CAB39: variants seen among roughly 807,000 people sequenced by gnomAD.
The protein encoded by CAB39 is calcium-binding protein 39.
Under a neutral mutation model 40.0 loss-of-function variants are expected in CAB39, and 8 were observed. That is an observed-to-expected ratio of 0.20 (90% CI 0.12 to 0.36). The LOEUF (loss-of-function observed/expected upper bound fraction) is 0.36. Ranked by LOEUF, CAB39 falls within the 10% of genes least tolerant of loss-of-function variation. The pLI is 1.00. For missense variants in CAB39, 270 were observed against 401.1 expected (o/e 0.67, Z 2.79); for synonymous variants, 156 against 141.6 (o/e 1.10, Z -0.72).
chr2:230,753,582 G>A (rs750331783), intron 1 of CAB39, among the ~76,000 whole-genome samples: 1 of 151,708 alleles, frequency 6.6e-6, no homozygotes. Flanking sequence ...GTGAAACCCC[G>A]TCTCTACAAC....
rs146490647 is a variant in CAB39, at chr2:230,818,620, G to A, written c.942G>A (p.Thr314=). Residue 314 remains threonine, a synonymous_variant, in exon 9 of 9, where the codon ACG becomes ACA. Coordinates refer to ENST00000258418, the MANE Select transcript of CAB39 (RefSeq NM_016289.4). ...EFLSKFQNDR[T]EDEQFNDEKT... is the part of the protein sequence containing the mutation. ...TCAGCAAGTTTCAGAACGACAGGAC[G>A]GAGGATGAGCAGTTTAACGACGAGA... 8 of 1,613,988 alleles carry A rather than the reference G, an allele frequency of 5.0e-6. No homozygotes were observed. Among genetic ancestry groups the A allele is most frequent in the South Asian group, 1.1e-5 (1 of 91,088 alleles).
intron 5 of CAB39, among the ~76,000 whole-genome samples, chr2:230,801,061 G>A (rs1370051714): frequency 6.6e-6 from 1 of 152,124 alleles, no homozygotes; most frequent in Non-Finnish European, 1.5e-5. Context: ...CTGGAAGAGA[G>A]AGCACTGGGG....
chr2:230,777,217 CTTAA>C (rs1281085559), intron 2 of CAB39, among the ~76,000 whole-genome samples: 2 of 152,106 alleles, frequency 1.3e-5, no homozygotes, highest in South Asian at 4.2e-4. Flanking sequence ...TAAGTTTATC[CTTAA>C]TTCAGTACCA....
At chr2:230,762,826 C>T (rs1169884182) in intron 2 of CAB39, among the ~76,000 whole-genome samples, 1 of 152,102 alleles carries the variant, frequency 6.6e-6, no homozygotes, top group Non-Finnish European at 1.5e-5. Flanking sequence ...AGCTTCCGTT[C>T]TAATTAAGAA....
At chr2:230,730,440 CT>C (rs1694666695) in intron 1 of CAB39, among the ~76,000 whole-genome samples, 1 of 118,988 alleles carries the variant, frequency 8.4e-6, no homozygotes, top group African/African-American at 3.6e-5. Context: ...TAGAAGAAAA[CT>C]TTTCTTTTTT....
chr2:230,750,467 G>A (rs1048884031), intron 1 of CAB39, among the ~76,000 whole-genome samples: 2 of 152,064 alleles, frequency 1.3e-5, no homozygotes, highest in South Asian at 4.1e-4. Flanking sequence ...CTCCAGAATC[G>A]TGAGCTAAAT....
chr2:230,769,635 G>A (rs1333950084), intron 2 of CAB39, among the ~76,000 whole-genome samples: 1 of 152,006 alleles, frequency 6.6e-6, no homozygotes, highest in Non-Finnish European at 1.5e-5. Context: ...AAATATTTAG[G>A]AACTAAATAT....
intron 2 of CAB39, among the ~76,000 whole-genome samples, chr2:230,783,400 T>C (rs553774268): frequency 4.6e-5 from 7 of 152,180 alleles, no homozygotes; most frequent in Admixed American, 6.5e-5. Flanking sequence ...CTCAGGTGAT[T>C]TATTTCGTTG....
chr2:230,748,829 AAAATATAT>A (rs1416022955), intron 1 of CAB39, among the ~76,000 whole-genome samples: 22 of 46,446 alleles, frequency 4.7e-4, no homozygotes, highest in African/African-American at 1.7e-3. Context: ...AAAAAAAAAA[AAAATATAT>A]ATATATATAT....
At chr2:230,790,258 C>T (rs974666403) in intron 2 of CAB39, among the ~76,000 whole-genome samples, 2 of 151,804 alleles carry the variant, frequency 1.3e-5, no homozygotes, top group African/African-American at 2.4e-5. Context: ...AAAAAAATGT[C>T]GTTTTATGTA....
At chr2:230,761,327 A>AT (rs1695286929) in intron 2 of CAB39, among the ~76,000 whole-genome samples, 1 of 152,186 alleles carries the variant, frequency 6.6e-6, no homozygotes, top group South Asian at 2.1e-4. Flanking sequence ...CTGAATTTAT[A>AT]TGCTACCGAT....
chr2:230,796,693 C>G (rs1346835001), intron 4 of CAB39, among the ~76,000 whole-genome samples: 1 of 151,846 alleles, frequency 6.6e-6, no homozygotes, highest in Non-Finnish European at 1.5e-5. Context: ...GACACCACTA[C>G]TAGATAACAA....
intron 1 of CAB39, among the ~76,000 whole-genome samples, chr2:230,753,220 C>T (rs563943211): frequency 7.9e-5 from 12 of 152,260 alleles, no homozygotes; most frequent in African/African-American, 2.4e-4. Flanking sequence ...AATGTCCATG[C>T]GGATTCAGCT....
In CAB39 at chr2:230,781,539, G is replaced by T. The variant is rs549119858; in HGVS notation, c.115-9333G>T. On this transcript the variant is annotated intron_variant, in intron 2 of 8. Coordinates refer to ENST00000258418, the MANE Select transcript of CAB39 (RefSeq NM_016289.4). ...GGAGCCAAGAGACCTTGAGCTGCTCGCATGAGTGGCACTGAAATGTGCAGG... is the reference window on the plus strand; with the variant it reads ...GGAGCCAAGAGACCTTGAGCTGCTCTCATGAGTGGCACTGAAATGTGCAGG... Among the ~76,000 whole-genome samples the T allele has an allele frequency of 2.0e-5, 3 of 152,314 alleles. No homozygotes were observed. The East Asian group carries it at 5.8e-4, about 29-fold the overall frequency.
intron 2 of CAB39, among the ~76,000 whole-genome samples, chr2:230,776,273 G>A (rs933770074): frequency 4.6e-5 from 7 of 152,106 alleles, no homozygotes; most frequent in African/African-American, 1.7e-4. Flanking sequence ...TGTTTATTTT[G>A]AAATTAATTA....
chr2:230,749,771 G>T (rs75445439), intron 1 of CAB39, among the ~76,000 whole-genome samples: 1 of 152,168 alleles, frequency 6.6e-6, no homozygotes, highest in African/African-American at 2.4e-5. Context: ...ATCTTTGTAT[G>T]TAAATCTTAG....
chr2:230,735,593 A>G (rs1397627054), intron 1 of CAB39, among the ~76,000 whole-genome samples: 2 of 152,190 alleles, frequency 1.3e-5, no homozygotes, highest in Admixed American at 1.3e-4. Flanking sequence ...GGCTCACTGC[A>G]GCCTTGACCT....
intron 2 of CAB39, among the ~76,000 whole-genome samples, chr2:230,783,838 G>C (rs1044270281): frequency 1.3e-5 from 2 of 152,034 alleles, no homozygotes; most frequent in African/African-American, 4.8e-5. Context: ...TTGACTTCAT[G>C]GTATGATAAC....
In CAB39 at chr2:230,818,854, G is replaced by C. The variant is rs185074030; in HGVS notation, c.*150G>C. 1,908 of 626,370 alleles carry C rather than the reference G, an allele frequency of 3.0e-3. 6 individuals carry two copies. Among genetic ancestry groups the C allele is most frequent in the Non-Finnish European group, 4.1e-3 (1,491 of 365,182 alleles). 38.8% of individuals were successfully genotyped at this position (626,370 alleles called of 1,614,324 possible). The stretch of plus-strand genomic sequence containing the variant: ...TTTTACCCTTTTGTTTTTCAGTCCA[G>C]GTTGGAGATCGTAGCTGCTGCTGCT... On this transcript the variant is annotated 3_prime_UTR_variant, in exon 9 of 9. Transcript: ENST00000258418.
Sources: gnomAD v4.1 joint callset for allele counts (sites outside exome capture counted in the v4.1 genomes callset) on GRCh38, gnomAD v4.1.1 for gene constraint, MANE v1.5 for transcripts, NCBI Gene and HGNC (gene_info 2026-07-23, HGNC 2026-07-21) for gene names.